UBR3: variants seen among roughly 807,000 people sequenced by gnomAD.
UBR3 encodes ubiquitin protein ligase E3 component n-recognin 3, also known as E3 ubiquitin-protein ligase UBR3.
In UBR3, 85 loss-of-function variants were observed where a neutral mutation model predicts 243.2. The ratio of observed to expected loss-of-function variants is 0.35; its 90% CI spans 0.29 to 0.42. The LOEUF (loss-of-function observed/expected upper bound fraction) is 0.42, where lower values mean the gene tolerates loss of function less well. Ranked by LOEUF, UBR3 falls within the 10% of genes least tolerant of loss-of-function variation. The probability of loss-of-function intolerance (pLI) is 1.00; values close to 1 mark genes in which losing one functional copy is unlikely to be tolerated. For synonymous variants in UBR3, 748 were observed against 799.8 expected (o/e 0.94, Z 1.09); for missense variants, 1,686 against 2,300.8 (o/e 0.73, Z 5.47).
At chr2:169,836,065 ATATTT>A (rs1418748677) in intron 1 of UBR3, among the ~76,000 whole-genome samples, 41 of 27,936 alleles carry the variant, frequency 1.5e-3, no homozygotes, top group South Asian at 4.4e-3. Context: ...ATATATATAT[ATATTT>A]TTTTTTTTTT....
intron 35 of UBR3, among the ~76,000 whole-genome samples, chr2:170,061,761 C>T (rs1266679821): frequency 2.0e-5 from 3 of 152,160 alleles, no homozygotes; most frequent in Non-Finnish European, 1.5e-5. Context: ...AGCCACCGCA[C>T]TAGCCAAGCC....
intron 5 of UBR3, among the ~76,000 whole-genome samples, chr2:169,888,689 A>G (rs1243685757): frequency 1.3e-5 from 2 of 152,222 alleles, no homozygotes; most frequent in Admixed American, 6.5e-5. Flanking sequence ...CAGGGATGTT[A>G]CATATGAATC....
At chr2:170,018,116 G>A (rs984671050) in intron 30 of UBR3, among the ~76,000 whole-genome samples, 1 of 152,150 alleles carries the variant, frequency 6.6e-6, no homozygotes, top group African/African-American at 2.4e-5. Context: ...TTCAGCCATT[G>A]GTTTAGTCAA....
At chr2:170,046,341 T>A (rs921046047) in intron 32 of UBR3, among the ~76,000 whole-genome samples, 16 of 152,278 alleles carry the variant, frequency 1.1e-4, no homozygotes, top group Non-Finnish European at 2.1e-4. Flanking sequence ...ATTTGGTTGT[T>A]ATAGTTCTTT....
intron 1 of UBR3, among the ~76,000 whole-genome samples, chr2:169,829,296 C>G (rs2081849107): frequency 6.6e-6 from 1 of 151,928 alleles, no homozygotes; most frequent in South Asian, 2.1e-4. Flanking sequence ...ATTCCTTAAA[C>G]AATAACTTGG....
intron 24 of UBR3, among the ~76,000 whole-genome samples, chr2:169,962,488 T>A (rs900939452): frequency 2.0e-5 from 3 of 152,180 alleles, no homozygotes; most frequent in Non-Finnish European, 4.4e-5. Context: ...CGGTTTGAGA[T>A]AATTCTTTTT....
At chr2:169,881,365 G>A (rs1474335469) in intron 5 of UBR3, among the ~76,000 whole-genome samples, 3 of 151,894 alleles carry the variant, frequency 2.0e-5, no homozygotes, top group Non-Finnish European at 4.4e-5. Flanking sequence ...TTTTGGTAAA[G>A]ATGGGGTTTC....
At chr2:170,055,830 C>G (rs2091320392) in intron 33 of UBR3, among the ~76,000 whole-genome samples, 1 of 152,018 alleles carries the variant, frequency 6.6e-6, no homozygotes, top group Non-Finnish European at 1.5e-5. Context: ...TTCTGCAAGC[C>G]TTAAACTTAG....
Position 169,946,298 on chromosome 2 carries a change from A to G in UBR3, c.2816A>G (p.Asp939Gly). 1.3e-6 allele frequency: 2 copies of G among 1,482,316 alleles called. No homozygotes were observed. The highest frequency in any genetic ancestry group is 1.8e-6 in the Non-Finnish European group (2 of 1,114,348). The allele number at this position is 1,482,316 out of a possible 1,614,324, so 91.8% of individuals were successfully genotyped here. A position where few individuals can be genotyped will look rare whatever the true frequency, so the allele number is the denominator to read the frequency against. ...CTTCCCTTTTTAAAGATTTTGATGG[A>G]TCATCAAAATCTGTCAGAACATGTA... ...LFTLLYKILM[D>G]HQNLSEHVLC... The change falls in exon 21 of 39, where the codon GAT becomes GGT. Residue 939 changes from aspartate to glycine, a missense_variant. Asp to Gly is a moderately conservative substitution (Grantham distance 94). This residue lies in a region of UBR3 where 300 missense variants were observed against 314.4 expected (regional missense o/e 0.95). Transcript: ENST00000272793.
intron 1 of UBR3, among the ~76,000 whole-genome samples, chr2:169,845,957 G>A (rs962646037): frequency 6.6e-6 from 1 of 152,104 alleles, no homozygotes; most frequent in Non-Finnish European, 1.5e-5. Context: ...AAATAGTTAA[G>A]GTTTCTTTTA....
At chr2:170,035,622 G>A (rs1022865638) in intron 31 of UBR3, among the ~76,000 whole-genome samples, 6 of 151,674 alleles carry the variant, frequency 4.0e-5, no homozygotes, top group South Asian at 4.2e-4. Flanking sequence ...GTTCTTCTTC[G>A]ATTTTGTGTT....
intron 5 of UBR3, among the ~76,000 whole-genome samples, chr2:169,882,058 A>G (rs1238947188): frequency 7.9e-6 from 1 of 127,098 alleles, no homozygotes; most frequent in East Asian, 2.2e-4. Context: ...TATTATATAT[A>G]CACATATAAT....
In UBR3 at chr2:170,045,162, G is replaced by A. The variant is rs533075337; in HGVS notation, c.4660+4177G>A. Among the ~76,000 whole-genome samples, 3 of 152,198 alleles carry A rather than the reference G, an allele frequency of 2.0e-5. No individual in the cohort carries two copies. The East Asian group carries it at 5.8e-4, about 29-fold the overall frequency. On this transcript the variant is annotated intron_variant, in intron 32 of 38. Coordinates refer to ENST00000272793, the MANE Select transcript of UBR3 (RefSeq NM_172070.4). ...AATCATGGCAGAAGGCAAAAGGCAC[G>A]TCTTACATGGTAGCAGACAAGAGAA...
intron 33 of UBR3, among the ~76,000 whole-genome samples, 183 bp from the exon 34 acceptor site, chr2:170,060,896 C>T (rs1339651149): frequency 6.6e-6 from 1 of 152,022 alleles, no homozygotes; most frequent in East Asian, 1.9e-4. Flanking sequence ...TAGCTTTGAC[C>T]AACTACCCAG....
intron 20 of UBR3, among the ~76,000 whole-genome samples, chr2:169,945,570 C>T (rs186998773): frequency 1.6e-3 from 246 of 152,316 alleles, no homozygotes; most frequent in African/African-American, 5.7e-3. Context: ...AGAATTTCTT[C>T]CTTTCATCCT....
At chr2:169,962,911 A>G (rs2087644239) in intron 24 of UBR3, among the ~76,000 whole-genome samples, 1 of 152,022 alleles carries the variant, frequency 6.6e-6, no homozygotes. Flanking sequence ...CTGAGGTGTA[A>G]AGAGGTTTGG....
intron 1 of UBR3, among the ~76,000 whole-genome samples, chr2:169,839,940 A>G (rs1401019392): frequency 2.0e-5 from 3 of 152,166 alleles, no homozygotes; most frequent in Non-Finnish European, 4.4e-5. Flanking sequence ...TTTTAGAGAA[A>G]ACAAACCTGA....
At chr2:170,070,270 T>C (rs1040937331) in intron 35 of UBR3, among the ~76,000 whole-genome samples, 8 of 152,274 alleles carry the variant, frequency 5.3e-5, no homozygotes, top group African/African-American at 1.9e-4. Context: ...ATTTCATTTG[T>C]CAAAGAAAAG....
intron 2 of UBR3, among the ~76,000 whole-genome samples, chr2:169,874,991 T>G (rs1453671481): frequency 8.9e-6 from 1 of 112,052 alleles, no homozygotes; most frequent in Non-Finnish European, 2.3e-5. Context: ...TCAGTTGTTG[T>G]CCAAGCTTTT....
Sources: allele counts gnomAD v4.1 joint callset (sites outside exome capture counted in the v4.1 genomes callset), GRCh38; gene constraint gnomAD v4.1.1; regional missense constraint gnomAD v4.1.1; transcripts MANE v1.5; gene names NCBI Gene and HGNC (gene_info 2026-07-23, HGNC 2026-07-21).